HSD17B4: variants seen among roughly 807,000 people sequenced by gnomAD.
HSD17B4 encodes peroxisomal multifunctional enzyme type 2.
HSD17B4 carries 70 observed loss-of-function variants against 101.0 expected under a neutral mutation model. That is an observed-to-expected ratio of 0.69 (90% CI 0.57 to 0.85). The LOEUF is 0.85. Among genes scored for constraint, HSD17B4 ranks in the 40% least tolerant of loss-of-function variants. The pLI is 0.00. For synonymous variants in HSD17B4, 347 were observed against 297.1 expected, an observed-to-expected ratio of 1.17 and a Z score of -1.73; for missense variants, 984 against 892.4, an observed-to-expected ratio of 1.10 and a Z score of -1.31.
Position 119,475,744 on chromosome 5 carries a change from C to T in HSD17B4, c.302+17C>T. The T allele has an allele frequency of 6.3e-7, 1 of 1,592,308 alleles. No homozygotes were observed. The highest frequency in any genetic ancestry group is 2.2e-5 in the East Asian group (1 of 44,624). The stretch of plus-strand genomic sequence containing the variant: ...CAATGCTGGGTGAGTATTTCTTTTT[C>T]ATTTTTAGTGATGTGTGTATAATTT... On this transcript the variant is annotated intron_variant, in intron 5 of 23. Coordinates refer to ENST00000510025, the MANE Select transcript of HSD17B4 (RefSeq NM_000414.4).
chr5:119,508,924 T>C (rs142738949), intron 15 of HSD17B4, among the ~76,000 whole-genome samples: 1 of 152,214 alleles, frequency 6.6e-6, no homozygotes, highest in African/African-American at 2.4e-5. Context: ...GAAAGGATTT[T>C]TGAAGCTCCT....
In HSD17B4 at chr5:119,477,683, G is replaced by T. The variant is rs565762032; in HGVS notation, c.434+182G>T. ...AATTGGTATAATTTAGTCACAGATT[G>T]GCTGAGCTGGAAAGCTTTATATTTA... On this transcript the variant is annotated intron_variant, in intron 7 of 23. Transcript: ENST00000510025. 60 of 606,912 alleles carry T rather than the reference G, an allele frequency of 9.9e-5. 1 individual carries two copies. In the Admixed American group the frequency reaches 1.2e-3, roughly 12 times the overall value. 37.6% of individuals were successfully genotyped at this position (606,912 alleles called of 1,614,324 possible).
chr5:119,537,732 T>C (rs1384567573), intron 23 of HSD17B4, among the ~76,000 whole-genome samples: 3 of 152,164 alleles, frequency 2.0e-5, no homozygotes, highest in South Asian at 2.1e-4. Flanking sequence ...AGCTTTGCCA[T>C]TGTAGCCTTA....
chr5:119,470,601 T>C (rs916161004), intron 2 of HSD17B4, among the ~76,000 whole-genome samples: 3 of 152,224 alleles, frequency 2.0e-5, no homozygotes, highest in African/African-American at 7.2e-5. Context: ...GAAGTCCCTG[T>C]CAGCTCTAAG....
At chr5:119,488,302 A>G (rs999227220) in intron 8 of HSD17B4, among the ~76,000 whole-genome samples, 4 of 152,112 alleles carry the variant, frequency 2.6e-5, no homozygotes, top group Non-Finnish European at 5.9e-5. Flanking sequence ...CATGTTCTTC[A>G]TGTAGTACCT....
rs1402710728 is a variant in HSD17B4 at position 119,536,494 on chromosome 5, A to T, written c.2065A>T (p.Ile689Leu). The change falls in exon 23 of 24, where the codon ATA (isoleucine) becomes TTA (leucine). Residue 689 changes from isoleucine (I) to leucine (L), a missense_variant. Transcript: ENST00000510025. Reference sequence around the variant, plus strand: ...AAAAGGTGCTGCTGATACAACAATCATACTTTCAGATGAAGATTTCATGGA... The same window carrying T: ...AAAAGGTGCTGCTGATACAACAATCTTACTTTCAGATGAAGATTTCATGGA... ...PAKGAADTTI[I>L]LSDEDFMEVV... 1 of 1,612,240 alleles carries T rather than the reference A, an allele frequency of 6.2e-7. No individual in the cohort carries two copies. The highest frequency in any genetic ancestry group is 1.7e-5 in the Admixed American group (1 of 59,872).
chr5:119,526,079 A>T (rs1227925385), intron 19 of HSD17B4, 56 bp downstream of exon 19: 4 of 972,756 alleles, frequency 4.1e-6, no homozygotes, highest in Non-Finnish European at 6.7e-6. Context: ...ATCTTTAGAG[A>T]AGAAAAGGGG....
chr5:119,474,964 A>T (rs1250701944), intron 4 of HSD17B4, among the ~76,000 whole-genome samples: 2 of 152,076 alleles, frequency 1.3e-5, no homozygotes, highest in African/African-American at 4.8e-5. Context: ...AGTCCCACAC[A>T]CTCTTAATAA....
chr5:119,499,191 A>C, intron 12 of HSD17B4, 126 bp from the exon 13 acceptor site: 1 of 679,694 alleles, frequency 1.5e-6, no homozygotes, highest in Middle Eastern at 3.9e-4. Context: ...AATTGCAATA[A>C]TTATGCTCCA....
At chr5:119,537,567 T>G (rs768623484) in intron 23 of HSD17B4, among the ~76,000 whole-genome samples, 3 of 152,164 alleles carry the variant, frequency 2.0e-5, no homozygotes, top group Non-Finnish European at 4.4e-5. Flanking sequence ...GGAGCTTCTT[T>G]TAGTGTACTA....
chr5:119,473,048 C>G (rs987286588), intron 2 of HSD17B4, among the ~76,000 whole-genome samples: 2 of 152,040 alleles, frequency 1.3e-5, no homozygotes, highest in African/African-American at 4.8e-5. Context: ...TAGGTTGTTT[C>G]CACATCTTAG....
Position 119,526,110 on chromosome 5 carries a change from A to G in HSD17B4, c.1680+87A>G, listed in dbSNP as rs561184067. The G allele has an allele frequency of 8.1e-5, 66 of 814,454 alleles. No individual in the cohort carries two copies. The East Asian group carries it at 1.4e-3, about 17-fold the overall frequency. The allele number at this position is 814,454 out of a possible 1,614,324, so 50.5% of individuals were successfully genotyped here. On this transcript the variant is annotated intron_variant, in intron 19 of 23. Transcript: ENST00000510025. ...AGGGGTTTTAGTGATTTAATTGAAA[A>G]TAGATATTGTACTACAGCAATGTAC...
intron 2 of HSD17B4, among the ~76,000 whole-genome samples, chr5:119,458,653 G>A (rs1289847587): frequency 6.6e-6 from 1 of 152,024 alleles, no homozygotes; most frequent in East Asian, 1.9e-4. Flanking sequence ...TAAGCCAAAA[G>A]TTAGGGGCAT....
intron 17 of HSD17B4, among the ~76,000 whole-genome samples, chr5:119,518,098 C>T (rs1404574357): frequency 6.6e-6 from 1 of 152,096 alleles, no homozygotes; most frequent in African/African-American, 2.4e-5. Flanking sequence ...AGTGGCAACC[C>T]GCTCCGGTCC....
At position 119,531,358 on chromosome 5, in the gene HSD17B4, A is replaced by G. The variant is rs769560045; in HGVS notation, c.1947A>G (p.Val649=). 5.0e-6 allele frequency: 8 copies of G among 1,613,654 alleles called. No homozygotes were observed. Among genetic ancestry groups the G allele is most frequent in the Non-Finnish European group, 6.8e-6 (8 of 1,179,678 alleles). Residue 649 remains valine (V), a synonymous_variant, in exon 22 of 24, where the codon GTA becomes GTG. Coordinates refer to ENST00000510025, the MANE Select transcript of HSD17B4 (RefSeq NM_000414.4). The stretch of plus-strand genomic sequence containing the variant: ...AGGTGGTGAAGAAAGTAAATGCTGT[A>G]TTTGAGTGGCATATAACCAAAGGCG... ...GPEVVKKVNA[V]FEWHITKGGN...
intron 2 of HSD17B4, among the ~76,000 whole-genome samples, chr5:119,468,633 G>A (rs1756045494): frequency 6.6e-6 from 1 of 152,122 alleles, no homozygotes; most frequent in African/African-American, 2.4e-5. Flanking sequence ...AGACCTTTGA[G>A]TGTCCTGGAT....
chr5:119,498,253 A>G (rs10478426), intron 12 of HSD17B4, among the ~76,000 whole-genome samples: 10,930 of 152,172 alleles, frequency 0.072, 1,029 homozygotes, highest in East Asian at 0.42. Context: ...TAGAAATGTG[A>G]TTTTTCCTCA....
intron 15 of HSD17B4, among the ~76,000 whole-genome samples, chr5:119,507,317 G>A (rs32659): frequency 0.44 from 67,178 of 151,998 alleles, 15,465 homozygotes; most frequent in East Asian, 0.5. Flanking sequence ...ATTCTTATAA[G>A]TGGTAGTTAG....
intron 20 of HSD17B4, among the ~76,000 whole-genome samples, chr5:119,528,618 G>A (rs1384039111): frequency 1.3e-5 from 2 of 152,020 alleles, no homozygotes; most frequent in East Asian, 3.9e-4. Context: ...TTTGCTTTTT[G>A]ATTAAGATTA....
Sources: gnomAD v4.1 joint callset for allele counts (sites outside exome capture counted in the v4.1 genomes callset) on GRCh38, gnomAD v4.1.1 for gene constraint, MANE v1.5 for transcripts, NCBI Gene and HGNC (gene_info 2026-07-23, HGNC 2026-07-21) for gene names.